Variants in HSPA12A observed in about 807,000 individuals in gnomAD.
The protein encoded by HSPA12A is heat shock 70 kDa protein 12A.
In HSPA12A, 28 loss-of-function variants were observed where a neutral mutation model predicts 69.2. The ratio of observed to expected loss-of-function variants is 0.40; its 90% CI spans 0.30 to 0.55. HSPA12A has a LOEUF of 0.55. Ranked by LOEUF, HSPA12A falls within the 20% of genes least tolerant of loss-of-function variation. HSPA12A has a pLI of 0.38. For synonymous variants in HSPA12A, 345 were observed against 370.5 expected (o/e 0.93, Z 0.79); for missense variants, 686 against 900.7 (o/e 0.76, Z 3.05).
chr10:116,738,272 G>A (rs1554886621), intron 1 of HSPA12A, among the ~76,000 whole-genome samples: 4 of 152,152 alleles, frequency 2.6e-5, no homozygotes, highest in Non-Finnish European at 5.9e-5. Context: ...CTGCGGAGTG[G>A]GCAAGATGTA....
At chr10:116,728,726 T>C (rs1292111260) in intron 1 of HSPA12A, among the ~76,000 whole-genome samples, 2 of 152,236 alleles carry the variant, frequency 1.3e-5, no homozygotes, top group Admixed American at 6.5e-5. Context: ...CCACTGCTTA[T>C]CTAAGGGTTT....
chr10:116,759,954 C>A (rs1554889131), intron 2 of HSPA12A, among the ~76,000 whole-genome samples: 2 of 152,140 alleles, frequency 1.3e-5, no homozygotes, highest in South Asian at 2.1e-4. Flanking sequence ...CACCTTCCAC[C>A]ATGAGGGTAA....
chr10:116,839,589 C>T (rs912664443), intron 1 of HSPA12A, among the ~76,000 whole-genome samples: 1 of 122,688 alleles, frequency 8.2e-6, no homozygotes, highest in African/African-American at 3.1e-5. Context: ...CAAAGGACTT[C>T]GTAGATGCCT....
intron 3 of HSPA12A, among the ~76,000 whole-genome samples, chr10:116,701,505 A>G (rs909152265): frequency 3.3e-5 from 5 of 152,262 alleles, no homozygotes; most frequent in Non-Finnish European, 7.3e-5. Flanking sequence ...ATATACTGCT[A>G]GCTTGAATCC....
intron 2 of HSPA12A, among the ~76,000 whole-genome samples, chr10:116,778,617 C>G (rs1267260612): frequency 1.3e-5 from 2 of 152,170 alleles, no homozygotes; most frequent in Admixed American, 1.3e-4. Context: ...TCAGAAAGTC[C>G]AGGCTGGGCA....
intron 1 of HSPA12A, among the ~76,000 whole-genome samples, chr10:116,711,687 C>T (rs1850435320): frequency 1.0e-5 from 1 of 98,250 alleles, no homozygotes; most frequent in African/African-American, 3.7e-5. Context: ...TTTTTCGAGA[C>T]TGAGTCTCGC....
chr10:116,849,931 A>C, upstream of HSPA12A: 2 of 729,484 alleles, frequency 2.7e-6, no homozygotes, highest in Non-Finnish European at 4.8e-6. Context: ...CCCCAGAGAA[A>C]GTGGCAGAAA....
intron 2 of HSPA12A, among the ~76,000 whole-genome samples, chr10:116,776,840 G>C (rs1212801874): frequency 6.6e-6 from 1 of 152,188 alleles, no homozygotes; most frequent in Non-Finnish European, 1.5e-5. Flanking sequence ...ATCCTTAAAA[G>C]TTTGATGCAA....
intron 1 of HSPA12A, among the ~76,000 whole-genome samples, chr10:116,728,851 C>T (rs951908909): frequency 6.6e-6 from 1 of 152,218 alleles, no homozygotes; most frequent in African/African-American, 2.4e-5. Flanking sequence ...GATGGTGGAA[C>T]TCCAGGCTCT....
rs556571435 is a variant in HSPA12A, at chr10:116,844,902, T to C, written c.3+4664A>G. On this transcript the variant is annotated intron_variant, in intron 1 of 12. Coordinates refer to the HSPA12A transcript ENST00000635765. ...TTTATTCACATTCATTTAGGAAATA[T>C]CTGACATAGCTTAGAAATTCTTTTT... Among the ~76,000 whole-genome samples, 14 of 152,366 alleles carry C rather than the reference T, an allele frequency of 9.2e-5. No homozygotes were observed. The East Asian group carries it at 2.3e-3, about 25-fold the overall frequency.
chr10:116,781,928 TC>T (rs1554891846), intron 2 of HSPA12A, among the ~76,000 whole-genome samples: 1 of 152,106 alleles, frequency 6.6e-6, no homozygotes, highest in Non-Finnish European at 1.5e-5. Context: ...ATAACATTCA[TC>T]AAAAGACAGT....
intron 1 of HSPA12A, among the ~76,000 whole-genome samples, chr10:116,718,833 A>G (rs1288792496): frequency 6.6e-6 from 1 of 151,940 alleles, no homozygotes; most frequent in Non-Finnish European, 1.5e-5. Context: ...TCCCGCAAGT[A>G]AAGCTCAAGC....
chr10:116,770,885 A>G (rs1213291119), intron 2 of HSPA12A, among the ~76,000 whole-genome samples: 1 of 30,846 alleles, frequency 3.2e-5, no homozygotes, highest in Non-Finnish European at 6.8e-5. Flanking sequence ...GTCACTTAAC[A>G]AGCCTCTCTT....
At chr10:116,721,601 G>C (rs1279497680) in intron 1 of HSPA12A, among the ~76,000 whole-genome samples, 3 of 152,088 alleles carry the variant, frequency 2.0e-5, no homozygotes, top group East Asian at 1.9e-4. Context: ...ACGAAAACCC[G>C]GGTGTGCGTG....
At chr10:116,765,804 C>T (rs1844064871) in intron 2 of HSPA12A, among the ~76,000 whole-genome samples, 1 of 152,168 alleles carries the variant, frequency 6.6e-6, no homozygotes, top group Non-Finnish European at 1.5e-5. Flanking sequence ...AGTTCTTCAC[C>T]CAGTGTTCCC....
intron 2 of HSPA12A, among the ~76,000 whole-genome samples, chr10:116,753,753 G>T (rs1283954036): frequency 6.6e-6 from 1 of 152,226 alleles, no homozygotes; most frequent in Non-Finnish European, 1.5e-5. Flanking sequence ...AAGGAAATGG[G>T]TCTACGTCCT....
intron 6 of HSPA12A, among the ~76,000 whole-genome samples, chr10:116,688,767 G>A (rs1204370769): frequency 4.6e-5 from 7 of 152,218 alleles, no homozygotes; most frequent in Admixed American, 4.6e-4. Context: ...TATGGGAGCA[G>A]CATTTATTTA....
At chr10:116,801,649 A>G (rs1844957680) in intron 2 of HSPA12A, among the ~76,000 whole-genome samples, 1 of 152,202 alleles carries the variant, frequency 6.6e-6, no homozygotes, top group African/African-American at 2.4e-5. Context: ...GAAAAAAAGC[A>G]TATTTATTAT....
rs1263698082 is a variant in HSPA12A at position 116,722,479 on chromosome 10, GA to G, written c.41-15195del. Among the ~76,000 whole-genome samples, 6 of 152,154 alleles carry G rather than the reference GA, an allele frequency of 3.9e-5. No homozygotes were observed. In the South Asian group the frequency reaches 8.3e-4, roughly 21 times the overall value. ...TGAATGGCATAGACACCACACTGAGGACATTCTGGGTTAATGAACAAGAAGA... is the reference window on the plus strand; with the variant it reads ...TGAATGGCATAGACACCACACTGAGGCATTCTGGGTTAATGAACAAGAAGA... On this transcript the variant is annotated intron_variant, in intron 1 of 11. Transcript: ENST00000369209.
Sources: allele counts gnomAD v4.1 joint callset (sites outside exome capture counted in the v4.1 genomes callset), GRCh38; gene constraint gnomAD v4.1.1; transcripts MANE v1.5; gene names NCBI Gene and HGNC (gene_info 2026-07-23, HGNC 2026-07-21).